Variants in APAF1 observed in about 807,000 individuals in gnomAD.
APAF1 encodes the protein apoptotic peptidase activating factor 1, also known as apoptotic protease-activating factor 1.
In APAF1, 91 loss-of-function variants were observed where a neutral mutation model predicts 152.4. The ratio of observed to expected loss-of-function variants is 0.60; its 90% CI spans 0.50 to 0.71. The LOEUF (loss-of-function observed/expected upper bound fraction) is 0.71, where lower values mean the gene tolerates loss of function less well. APAF1 is among the 30% of genes least tolerant of loss of function. The probability of loss-of-function intolerance (pLI) is 0.00; values close to 1 mark genes in which losing one functional copy is unlikely to be tolerated. For synonymous variants in APAF1, 484 were observed against 494.1 expected (o/e 0.98, Z 0.27); for missense variants, 1,283 against 1,472.0 (o/e 0.87, Z 2.10).
intron 16 of APAF1, among the ~76,000 whole-genome samples, chr12:98,695,450 A>G (rs2097708863): frequency 6.6e-6 from 1 of 150,646 alleles, no homozygotes; most frequent in Non-Finnish European, 1.5e-5. Context: ...CTGCAGCCTC[A>G]ACCTCCTAGG....
chr12:98,678,100 A>T (rs2153322840), intron 13 of APAF1, among the ~76,000 whole-genome samples: 1 of 152,324 alleles, frequency 6.6e-6, no homozygotes, highest in African/African-American at 2.4e-5. Context: ...ACTTGTATTT[A>T]GGATACTTTT....
intron 20 of APAF1, among the ~76,000 whole-genome samples, chr12:98,709,520 G>A (rs2097725509): frequency 6.6e-6 from 1 of 152,298 alleles, no homozygotes. Flanking sequence ...GCTAAATAAG[G>A]TGTCGTTGCA....
intron 7 of APAF1, among the ~76,000 whole-genome samples, chr12:98,663,848 G>A (rs933922086): frequency 6.6e-5 from 10 of 151,720 alleles, no homozygotes; most frequent in Admixed American, 4.6e-4. Flanking sequence ...CAGTAGAGAC[G>A]GGGTTTCGCC....
chr12:98,680,598 T>G (rs2097691232), intron 14 of APAF1, among the ~76,000 whole-genome samples, 196 bp downstream of exon 14: 1 of 152,228 alleles, frequency 6.6e-6, no homozygotes, highest in Admixed American at 6.5e-5. Context: ...TGACCCAGGC[T>G]GGAGGGCAGT....
At chr12:98,676,132 G>T (rs2097686225) in intron 12 of APAF1, among the ~76,000 whole-genome samples, 3 of 152,064 alleles carry the variant, frequency 2.0e-5, no homozygotes, top group Admixed American at 2.0e-4. Context: ...AAAGTGACAG[G>T]GATGTAACGT....
chr12:98,728,812 CT>C (rs1429114973), intron 26 of APAF1, among the ~76,000 whole-genome samples: 4 of 152,232 alleles, frequency 2.6e-5, no homozygotes, highest in Non-Finnish European at 5.9e-5. Flanking sequence ...CCTCTGCTTT[CT>C]CTAGCTAATT....
At position 98,694,356 on chromosome 12, in the gene APAF1, A is replaced by C. The variant is rs527960225; in HGVS notation, c.2305-5052A>C. On this transcript the variant is annotated intron_variant, in intron 16 of 26. Coordinates refer to ENST00000551964, the MANE Select transcript of APAF1 (RefSeq NM_181861.2). Reference sequence around the variant, plus strand: ...TGCCTACAGAATGGTGGCTTCTTTCAATCTGGAAACTTATCCTTCAGTTCT... The same window carrying C: ...TGCCTACAGAATGGTGGCTTCTTTCCATCTGGAAACTTATCCTTCAGTTCT... Among the ~76,000 whole-genome samples, 5 of 152,290 alleles carry C rather than the reference A, an allele frequency of 3.3e-5. No individual in the cohort carries two copies. The East Asian group carries it at 9.6e-4, about 29-fold the overall frequency.
At chr12:98,682,991 AG>A (rs1334447091) in intron 14 of APAF1, 151 bp from the exon 15 acceptor site, 13 of 665,402 alleles carry the variant, frequency 2.0e-5, no homozygotes, top group Admixed American at 5.5e-5. Flanking sequence ...TATTTTAGAA[AG>A]GGGAGAGGTT....
At chr12:98,699,967 T>G (rs2097713627) in intron 17 of APAF1, among the ~76,000 whole-genome samples, 1 of 152,220 alleles carries the variant, frequency 6.6e-6, no homozygotes, top group African/African-American at 2.4e-5. Context: ...GTTTAGGTGA[T>G]TTTTCAAAGT....
At chr12:98,732,361 A>G in intron 26 of APAF1, 59 bp from the exon 27 acceptor site, 1 of 1,496,960 alleles carries the variant, frequency 6.7e-7, no homozygotes, top group South Asian at 1.1e-5. Flanking sequence ...TGCTGGCACT[A>G]TAAATTGTCA....
intron 25 of APAF1, chr12:98,726,405 A>T (rs531920116): frequency 2.0e-5 from 3 of 151,140 alleles, no homozygotes; most frequent in Non-Finnish European, 4.4e-5. Context: ...TAGATGAGGA[A>T]GATGGGGTTT....
chr12:98,677,067 A>G (rs1416306941), intron 12 of APAF1, among the ~76,000 whole-genome samples: 1 of 152,264 alleles, frequency 6.6e-6, no homozygotes, highest in Admixed American at 6.5e-5. Context: ...GTATCCTTAT[A>G]TAATGATTTA....
intron 9 of APAF1, among the ~76,000 whole-genome samples, chr12:98,667,142 G>C (rs1268526415): frequency 1.3e-5 from 2 of 149,772 alleles, no homozygotes; most frequent in African/African-American, 4.9e-5. Flanking sequence ...GGGTCTTACT[G>C]TGTTGCCCAG....
intron 4 of APAF1, among the ~76,000 whole-genome samples, chr12:98,658,065 A>G (rs1015642357): frequency 6.6e-6 from 1 of 151,996 alleles, no homozygotes; most frequent in Non-Finnish European, 1.5e-5. Flanking sequence ...TTTATCTTTG[A>G]GTCTGTTTTT....
At chr12:98,701,063 A>C (rs182948149) in intron 17 of APAF1, among the ~76,000 whole-genome samples, 3 of 152,256 alleles carry the variant, frequency 2.0e-5, no homozygotes, top group Admixed American at 2.0e-4. Flanking sequence ...TACAGATCAA[A>C]ACTCAAAATA....
Position 98,708,539 on chromosome 12 carries a change from A to G in APAF1, c.2722-46A>G, listed in dbSNP as rs771062804. On this transcript the variant is annotated intron_variant, in intron 19 of 26. Coordinates refer to ENST00000551964, the MANE Select transcript of APAF1 (RefSeq NM_181861.2). ...TTGTCTCTCGCTTTAAGATGAAGAC[A>G]TGTTATTTTAGAGATGGAATGATAA... 28 of 1,595,408 alleles carry G rather than the reference A, an allele frequency of 1.8e-5. No individual in the cohort carries two copies. In the South Asian group the frequency reaches 2.4e-4, roughly 14 times the overall value.
chr12:98,715,358 A>T, intron 21 of APAF1, 69 bp from the exon 22 acceptor site: 1 of 1,498,364 alleles, frequency 6.7e-7, no homozygotes, highest in Non-Finnish European at 9.1e-7. Context: ...TTAGTTTAAT[A>T]TCTTTGGGGT....
At chr12:98,676,927 G>A (rs903392743) in intron 12 of APAF1, among the ~76,000 whole-genome samples, 2 of 152,228 alleles carry the variant, frequency 1.3e-5, no homozygotes, top group African/African-American at 2.4e-5. Flanking sequence ...TTACAGGCAT[G>A]AGCCACTGCG....
At chr12:98,686,675 A>G in intron 15 of APAF1, 73 bp from the exon 16 acceptor site, 2 of 1,439,348 alleles carry the variant, frequency 1.4e-6, no homozygotes, top group Non-Finnish European at 1.9e-6. Flanking sequence ...GAAAAGGAAG[A>G]ACTTCACATG....
Sources: gnomAD v4.1 joint callset for allele counts (sites outside exome capture counted in the v4.1 genomes callset) on GRCh38, gnomAD v4.1.1 for gene constraint, MANE v1.5 for transcripts, NCBI Gene and HGNC (gene_info 2026-07-23, HGNC 2026-07-21) for gene names.